The following THAP9 variants were observed in gnomAD, a reference collection of about 807,000 sequenced individuals.
THAP9 encodes the protein THAP domain containing 9.
Under a neutral mutation model 35.7 loss-of-function variants are expected in THAP9, and 20 were observed. The ratio of observed to expected loss-of-function variants is 0.56; its 90% confidence interval spans 0.39 to 0.81. The LOEUF (loss-of-function observed/expected upper bound fraction) is 0.81, where lower values mean the gene tolerates loss of function less well. Among genes scored for constraint, THAP9 ranks in the 40% least tolerant of loss-of-function variants. The pLI, the probability that THAP9 is intolerant of heterozygous loss-of-function variation, is 0.00. For missense variants in THAP9, 870 were observed against 1,047.4 expected (o/e 0.83, Z 2.34); for synonymous variants, 335 against 373.7 (o/e 0.90, Z 1.19).
At chr4:82,906,680 G>A in intron 3 of THAP9, 53 bp downstream of exon 3, 1 of 1,471,800 alleles carries the variant, frequency 6.8e-7, no homozygotes, top group Non-Finnish European at 9.1e-7. Context: ...TTTTTCTGAG[G>A]TACCATTAAG....
chr4:82,910,717 G>A, intron 4 of THAP9: 1 of 566,744 alleles, frequency 1.8e-6, no homozygotes, highest in Non-Finnish European at 3.0e-6. Flanking sequence ...TGAGGCAGGA[G>A]GAAAACCAGG....
chr4:82,902,825 CTTTACAG>C (rs1234212945), intron 1 of THAP9, among the ~76,000 whole-genome samples: 2 of 152,198 alleles, frequency 1.3e-5, no homozygotes, highest in African/African-American at 4.8e-5. Context: ...TTGGATAGTA[CTTTACAG>C]TTTACAAAGT....
In THAP9 at chr4:82,914,133, A is replaced by C. The variant is rs113855038; in HGVS notation, c.732-2811A>C. Among the ~76,000 whole-genome samples the C allele has an allele frequency of 7.4e-3, 1,121 of 152,354 alleles. 16 individuals are homozygous for C. Among genetic ancestry groups the C allele is most frequent in the Middle Eastern group, 0.01 (3 of 294 alleles). On this transcript the variant is annotated intron_variant, in intron 4 of 4. Transcript: ENST00000302236. ...GCTGAGGATAATAGCCTTCAGCTCT[A>C]TCCATGTTGCTGCAAAAGACATGAT...
Position 82,917,361 on chromosome 4 carries a change from A to G in THAP9, c.1149A>G (p.Ala383=), listed in dbSNP as rs1313385850. Residue 383 remains alanine, a synonymous_variant, in exon 5 of 5, where the codon GCA becomes GCG. Transcript: ENST00000302236. ...CCACAGCACATAGTGTTCAGATGGC[A>G]AAAGCATTGGGGATACATATTGATG... ...SDATAHSVQM[A]KALGIHIDGD... is the part of the protein sequence containing the mutation. 3.1e-6 allele frequency: 5 copies of G among 1,613,420 alleles called. No homozygotes were observed. In the East Asian group the frequency reaches 1.1e-4, roughly 36 times the overall value.
chr4:82,910,518 T>C (rs1720828073), intron 4 of THAP9, among the ~76,000 whole-genome samples: 1 of 150,830 alleles, frequency 6.6e-6, no homozygotes, highest in Non-Finnish European at 1.5e-5. Context: ...AGCCTCCGTT[T>C]ATTTTCTTAT....
chr4:82,901,390 G>C (rs1035834734), intron 1 of THAP9, among the ~76,000 whole-genome samples: 7 of 152,294 alleles, frequency 4.6e-5, no homozygotes, highest in African/African-American at 1.7e-4. Context: ...AAGAATTTCA[G>C]ATCAGTCTTA....
chr4:82,917,392 G>A lies in THAP9; in HGVS notation c.1180G>A (p.Asp394Asn), dbSNP rs748515646. ...KALGIHIDGD[D>N]MKCTFQHPSS... ...ATTGGGGATACATATTGATGGAGAC[G>A]ACATGAAATGTACATTTCAGCATCC... Residue 394 changes from aspartate to asparagine, a missense_variant, in exon 5 of 5, where the codon GAC becomes AAC. By Grantham distance (23) the Asp-to-Asn change is conservative (BLOSUM62 1). This residue lies in a region of THAP9 where 440 missense variants were observed against 501.2 expected (regional missense o/e 0.88). Coordinates refer to ENST00000302236, the MANE Select transcript of THAP9 (RefSeq NM_024672.6). 5.6e-6 allele frequency: 9 copies of A among 1,613,748 alleles called. No individual in the cohort carries two copies. The highest frequency in any genetic ancestry group is 1.7e-5 in the Admixed American group (1 of 60,012).
intron 2 of THAP9, chr4:82,905,969 C>T (rs1172248579): frequency 1.1e-4 from 49 of 456,558 alleles, no homozygotes; most frequent in South Asian, 7.2e-4. Context: ...ACTATGCCTT[C>T]TTTTTTGCAC....
intron 4 of THAP9, among the ~76,000 whole-genome samples, chr4:82,911,816 C>T (rs1221882570): frequency 6.6e-6 from 1 of 152,164 alleles, no homozygotes; most frequent in African/African-American, 2.4e-5. Context: ...GAAAATGTGA[C>T]CAGTCACCTA....
intron 1 of THAP9, among the ~76,000 whole-genome samples, chr4:82,904,058 C>CTTTTTTTTTTTTTTTTT (rs59655406): frequency 2.4e-5 from 2 of 82,210 alleles, no homozygotes; most frequent in Non-Finnish European, 4.8e-5. Context: ...TAGGCTCCCC[C>CTTTTTTTTTTTTTTTTT]TTTTTTTTTT....
At position 82,918,108 on chromosome 4, in the gene THAP9, G is replaced by A; in HGVS notation, c.1896G>A (p.Met632Ile). The A allele has an allele frequency of 6.2e-7, 1 of 1,614,106 alleles. No homozygotes were observed. The highest frequency in any genetic ancestry group is 8.5e-7 in the Non-Finnish European group (1 of 1,179,998). ...VLVTSSSPTCMAFQKAYYNLE... is the reference protein window; with the variant it reads ...VLVTSSSPTCIAFQKAYYNLE... ...TAACAAGTTCTAGCCCTACCTGCAT[G>A]GCATTCCAGAAAGCTTACTATAATT... is the stretch of plus-strand genomic sequence containing the variant. Residue 632 changes from methionine to isoleucine, a missense_variant, in exon 5 of 5, where the codon ATG becomes ATA. Physicochemically the swap from Met to Ile is conservative, Grantham distance 10 (BLOSUM62 1). Coordinates refer to ENST00000302236, the MANE Select transcript of THAP9 (RefSeq NM_024672.6).
chr4:82,911,448 G>T (rs1428432081), intron 4 of THAP9, among the ~76,000 whole-genome samples: 1 of 152,138 alleles, frequency 6.6e-6, no homozygotes, highest in African/African-American at 2.4e-5. Context: ...AAAAAAATTA[G>T]CCGGGCATGG....
intron 1 of THAP9, among the ~76,000 whole-genome samples, chr4:82,901,481 A>G (rs1720368538): frequency 6.6e-6 from 1 of 152,184 alleles, no homozygotes; most frequent in Non-Finnish European, 1.5e-5. Flanking sequence ...AGTGGGTAAA[A>G]TAGATCCTCA....
chr4:82,915,135 G>A (rs1720994850), intron 4 of THAP9, among the ~76,000 whole-genome samples: 1 of 151,994 alleles, frequency 6.6e-6, no homozygotes, highest in African/African-American at 2.4e-5. Flanking sequence ...CTTATTTCCG[G>A]TTTGCCCTAT....
rs1204056870 is a variant in THAP9, at chr4:82,918,163, G to GTT, written c.1955_1956dup (p.Leu653PhefsTer2). 6.2e-7 allele frequency: 1 copy of GTT among 1,614,164 alleles called. No homozygotes were observed. Among genetic ancestry groups the GTT allele is most frequent in the South Asian group, 1.1e-5 (1 of 91,080 alleles). On this transcript the variant is annotated frameshift_variant, in exon 5 of 5. Coordinates refer to ENST00000302236, the MANE Select transcript of THAP9 (RefSeq NM_024672.6). LOFTEE classifies it low-confidence loss of function (END_TRUNC). ...GACCAGATACAAATTTCAAGATGAAGTTTTTCTAAGCAAAGTAAGCATCTT... is the reference window on the plus strand; with the variant it reads ...GACCAGATACAAATTTCAAGATGAAGTTTTTTTCTAAGCAAAGTAAGCATCTT...
chr4:82,906,485 A>G lies in THAP9; in HGVS notation c.438A>G (p.Leu146=). Residue 146 remains leucine (L), a synonymous_variant, in exon 3 of 5, where the codon TTA becomes TTG. Coordinates refer to ENST00000302236, the MANE Select transcript of THAP9 (RefSeq NM_024672.6). ...AACTGGCTGAGGTGCAACAAATGTT[A>G]CAAGTGTCCAAAAAAAGACTTATCT... ...AEKLAEVQQM[L]QVSKKRLISV... The G allele has an allele frequency of 6.2e-7, 1 of 1,613,866 alleles. No homozygotes were observed. The highest frequency in any genetic ancestry group is 8.5e-7 in the Non-Finnish European group (1 of 1,179,796).
At chr4:82,911,540 G>A (rs1720867511) in intron 4 of THAP9, among the ~76,000 whole-genome samples, 1 of 152,164 alleles carries the variant, frequency 6.6e-6, no homozygotes, top group South Asian at 2.1e-4. Flanking sequence ...CTTGCAGTGA[G>A]CCGAGATTGC....
Position 82,904,757 on chromosome 4 carries a change from G to A in THAP9, c.102G>A (p.Gln34=). The change falls in exon 2 of 5, where the codon CAG becomes CAA. Residue 34 remains glutamine, a synonymous_variant. Coordinates refer to ENST00000302236, the MANE Select transcript of THAP9 (RefSeq NM_024672.6). ...SFHQFPTDTI[Q]RSKWIRAVNR... ...ATAGATTTCCAACTGATACCATACA[G>A]CGCTCAAAATGGATCAGGGCTGTTA... The A allele has an allele frequency of 6.2e-7, 1 of 1,614,078 alleles. No individual in the cohort carries two copies. The highest frequency in any genetic ancestry group is 8.5e-7 in the Non-Finnish European group (1 of 1,180,004).
At position 82,906,606 on chromosome 4, in the gene THAP9, C is replaced by T. The variant is rs748194991; in HGVS notation, c.559C>T (p.Leu187=). ...EKLLSEETEC[L]LRAQFSDFKW... is the part of the protein sequence containing the mutation. ...ACTACTTTCTGAAGAAACAGAGTGT[C>T]TGCTACGAGCTCAATTTTCAGGTAC... The change falls in exon 3 of 5, where the codon CTG becomes TTG. Residue 187 remains leucine, a synonymous_variant. Coordinates refer to ENST00000302236, the MANE Select transcript of THAP9 (RefSeq NM_024672.6). The T allele has an allele frequency of 6.3e-7, 1 of 1,594,608 alleles. No individual in the cohort carries two copies. Among genetic ancestry groups the T allele is most frequent in the Non-Finnish European group, 8.5e-7 (1 of 1,170,674 alleles).
Sources: gnomAD v4.1 joint callset for allele counts (sites outside exome capture counted in the v4.1 genomes callset) on GRCh38, gnomAD v4.1.1 for gene constraint, gnomAD v4.1.1 regional missense constraint, MANE v1.5 for transcripts, NCBI Gene and HGNC (gene_info 2026-07-23, HGNC 2026-07-21) for gene names.